PTPRF: variants seen among roughly 807,000 people sequenced by gnomAD.
The protein encoded by PTPRF is protein tyrosine phosphatase receptor type F.
A neutral mutation model predicts 201.8 loss-of-function variants in PTPRF; 59 were observed. The observed-to-expected ratio is 0.29, with a 90% CI of 0.24 to 0.36. The LOEUF (loss-of-function observed/expected upper bound fraction) is 0.36, where lower values mean the gene tolerates loss of function less well. Among genes scored for constraint, PTPRF ranks in the 10% least tolerant of loss-of-function variants. The pLI is 1.00. For missense variants in PTPRF, 2,132 were observed against 2,690.5 expected (o/e 0.79, Z 4.59); for synonymous variants, 1,088 against 1,089.7 (o/e 1.00, Z 0.03).
chr1:43,616,571 G>A (rs1192925898), intron 23 of PTPRF, among the ~76,000 whole-genome samples: 4 of 151,970 alleles, frequency 2.6e-5, no homozygotes, highest in African/African-American at 9.7e-5. Flanking sequence ...TGACTGGCAG[G>A]GCGGGGTTGG....
Position 43,591,335 on chromosome 1 carries a change from A to G in PTPRF, c.1313A>G (p.Glu438Gly), listed in dbSNP as rs1054446954. ...STMLVQWEPP[E>G]EPNGLVRGYR... The stretch of plus-strand genomic sequence containing the variant: ...ATGCTGGTGCAGTGGGAGCCTCCCG[A>G]GGAGCCCAACGGCCTGGTGCGGGGA... The change falls in exon 9 of 34, where the codon GAG becomes GGG. Residue 438 changes from glutamate to glycine, a missense_variant. Transcript: ENST00000359947. 31 of 1,552,428 alleles carry G rather than the reference A, an allele frequency of 2.0e-5. No homozygotes were observed. Among genetic ancestry groups the G allele is most frequent in the Non-Finnish European group, 2.6e-5 (30 of 1,149,292 alleles).
At chr1:43,543,557 C>T (rs1166030051) in intron 2 of PTPRF, among the ~76,000 whole-genome samples, 1 of 152,182 alleles carries the variant, frequency 6.6e-6, no homozygotes, top group Non-Finnish European at 1.5e-5. Flanking sequence ...TGTTTGGCCC[C>T]ATCCCACTTT....
rs567385647 is a variant in PTPRF at position 43,591,571 on chromosome 1, G to C, written c.1531+18G>C. On this transcript the variant is annotated intron_variant, in intron 9 of 33. Transcript: ENST00000359947. ...GCAGGGAGGTAGGTGGGGGCATGCC[G>C]GCTGGGCAGCCAACAGCAGAGAAGG... 6.5e-6 allele frequency: 10 copies of C among 1,541,456 alleles called. No individual in the cohort carries two copies. The South Asian group carries it at 1.1e-4, about 16-fold the overall frequency.
rs780929752 is a variant in PTPRF at position 43,619,149 on chromosome 1, A to G, written c.4593A>G (p.Arg1531=). The change falls in exon 27 of 34, where the codon CGA becomes CGG. Residue 1531 remains arginine, a synonymous_variant. Coordinates refer to ENST00000359947, the MANE Select transcript of PTPRF (RefSeq NM_002840.5). The stretch of plus-strand genomic sequence containing the variant: ...CAACTCCCATCCTGGCCTTCCTACG[A>G]CGGGTCAAGGCCTGCAACCCCCTAG... ...EYPTPILAFL[R]RVKACNPLDA... The G allele has an allele frequency of 1.2e-6, 2 of 1,609,652 alleles. No individual in the cohort carries two copies. The highest frequency in any genetic ancestry group is 1.7e-6 in the Non-Finnish European group (2 of 1,178,080).
chr1:43,593,489 G>A (rs375079938), intron 11 of PTPRF, among the ~76,000 whole-genome samples: 119 of 152,324 alleles, frequency 7.8e-4, no homozygotes, highest in African/African-American at 2.6e-3. Flanking sequence ...CAGCTGCTGC[G>A]TGAGACTCTG....
At chr1:43,567,899 C>T (rs1261194870) in intron 5 of PTPRF, among the ~76,000 whole-genome samples, 3 of 152,162 alleles carry the variant, frequency 2.0e-5, no homozygotes, top group Admixed American at 6.5e-5. Context: ...CCCAGCTCCC[C>T]GCCTTCCCCA....
rs1659349461 is a variant in PTPRF at position 43,622,073 on chromosome 1, A to G, written c.*70A>G. On this transcript the variant is annotated 3_prime_UTR_variant, in exon 34 of 34. Coordinates refer to ENST00000359947, the MANE Select transcript of PTPRF (RefSeq NM_002840.5). ...AGGGGACCCAGCTCCTCTGAGCCAT[A>G]CCGACCATCGTCCAGCCCTCCTACG... 2.0e-6 allele frequency: 3 copies of G among 1,515,016 alleles called. No individual in the cohort carries two copies. The highest frequency in any genetic ancestry group is 2.3e-5 in the East Asian group (1 of 44,362). The allele number at this position is 1,515,016 out of a possible 1,614,324, so 93.8% of individuals were successfully genotyped here.
Position 43,592,515 on chromosome 1 carries a change from C to T in PTPRF, c.1727C>T (p.Thr576Ile), listed in dbSNP as rs772605619. ...ACACTAGAGGACCTGAAGCCTGACA[C>T]ACTCTACCGCTTCCAGCTGGCTGCA... Reference protein sequence around the residue: ...SYTLEDLKPDTLYRFQLAARS... With the variant: ...SYTLEDLKPDILYRFQLAARS... The change falls in exon 11 of 34, where the codon ACA becomes ATA. Residue 576 changes from threonine to isoleucine, a missense_variant. Physicochemically the swap from Thr to Ile is moderately conservative, Grantham distance 89 (BLOSUM62 -1). Around this residue, in one of 6 missense-constraint regions of PTPRF, gnomAD observed 351 missense variants for 401.7 expected, o/e 0.87. Coordinates refer to ENST00000359947, the MANE Select transcript of PTPRF (RefSeq NM_002840.5). 1.2e-6 allele frequency: 2 copies of T among 1,613,026 alleles called. No homozygotes were observed. Among genetic ancestry groups the T allele is most frequent in the Non-Finnish European group, 1.7e-6 (2 of 1,179,734 alleles).
At chr1:43,544,062 G>A (rs145339717) in intron 2 of PTPRF, among the ~76,000 whole-genome samples, 34 of 152,298 alleles carry the variant, frequency 2.2e-4, no homozygotes, top group African/African-American at 8.2e-4. Context: ...TCACCCAGGT[G>A]CCTGCAGGCA....
At chr1:43,577,066 C>G (rs1248270362) in intron 6 of PTPRF, among the ~76,000 whole-genome samples, 1 of 152,138 alleles carries the variant, frequency 6.6e-6, no homozygotes, top group African/African-American at 2.4e-5. Context: ...CTGTTAGGCC[C>G]CCTGACCACT....
chr1:43,577,803 C>A (rs952497561), intron 6 of PTPRF, among the ~76,000 whole-genome samples: 1 of 152,046 alleles, frequency 6.6e-6, no homozygotes, highest in African/African-American at 2.4e-5. Flanking sequence ...ACTGTTGGAC[C>A]GTCCTGTGTG....
chr1:43,612,104 C>T (rs1427510948), intron 22 of PTPRF, among the ~76,000 whole-genome samples: 2 of 152,112 alleles, frequency 1.3e-5, no homozygotes, highest in African/African-American at 2.4e-5. Context: ...AGAGCAGGAG[C>T]GCAGTGTCCC....
intron 24 of PTPRF, 47 bp downstream of exon 24, chr1:43,617,615 T>C: frequency 1.9e-6 from 3 of 1,611,550 alleles, no homozygotes; most frequent in South Asian, 1.1e-5. Context: ...TCCCCCTTGC[T>C]AGCTAGGGCA....
At chr1:43,597,372 CTGTGAGACACCAAGACAGTATATG>C (rs1207279845) in intron 11 of PTPRF, among the ~76,000 whole-genome samples, 2 of 152,058 alleles carry the variant, frequency 1.3e-5, no homozygotes, top group African/African-American at 4.8e-5. Context: ...GTGAGAGACA[CTGTGAGACACCAAGACAGTATATG>C]TATGAGACAC....
At chr1:43,609,008 A>G (rs1397891825) in intron 21 of PTPRF, among the ~76,000 whole-genome samples, 1 of 151,856 alleles carries the variant, frequency 6.6e-6, no homozygotes, top group African/African-American at 2.4e-5. Flanking sequence ...TGTGTATTTT[A>G]TGTGTCATTT....
At chr1:43,570,737 C>T (rs1301913449) in intron 6 of PTPRF, among the ~76,000 whole-genome samples, 1 of 152,384 alleles carries the variant, frequency 6.6e-6, no homozygotes, top group African/African-American at 2.4e-5. Context: ...GACAAGCTGC[C>T]CAGCAGGGCA....
intron 25 of PTPRF, 95 bp downstream of exon 25, chr1:43,618,006 G>T: frequency 7.5e-7 from 1 of 1,336,126 alleles, no homozygotes; most frequent in East Asian, 2.5e-5. Context: ...CTTCTGTGGA[G>T]GAAGTCGCTC....
At chr1:43,556,251 T>C (rs1645363535) in intron 5 of PTPRF, among the ~76,000 whole-genome samples, 1 of 152,024 alleles carries the variant, frequency 6.6e-6, no homozygotes, top group Admixed American at 6.6e-5. Context: ...TTGTTGTTGT[T>C]TGGTTTTGGG....
chr1:43,607,711 C>T (rs1655468875), intron 21 of PTPRF, among the ~76,000 whole-genome samples: 1 of 152,264 alleles, frequency 6.6e-6, no homozygotes, highest in Non-Finnish European at 1.5e-5. Context: ...CATTGCGACA[C>T]TGAACTCATT....
Sources: allele counts gnomAD v4.1 joint callset (sites outside exome capture counted in the v4.1 genomes callset), GRCh38; gene constraint gnomAD v4.1.1; regional missense constraint gnomAD v4.1.1; transcripts MANE v1.5; gene names NCBI Gene and HGNC (gene_info 2026-07-23, HGNC 2026-07-21).